KCTD8: variants seen among roughly 807,000 people sequenced by gnomAD.
KCTD8 encodes BTB/POZ domain-containing protein KCTD8.
A neutral mutation model predicts 31.5 loss-of-function variants in KCTD8; 27 were observed. That is an observed-to-expected ratio of 0.86 (90% CI 0.63 to 1.18). The LOEUF (loss-of-function observed/expected upper bound fraction) is 1.18, where lower values mean the gene tolerates loss of function less well. Ranked by LOEUF, KCTD8 falls within the 50% of genes most tolerant of loss-of-function variation. The pLI is 0.00. For synonymous variants in KCTD8, 290 were observed against 280.0 expected, an observed-to-expected ratio of 1.04 and a Z score of -0.36; for missense variants, 658 against 647.7, an observed-to-expected ratio of 1.02 and a Z score of -0.17.
At chr4:44,260,045 G>GA (rs1716114949) in intron 1 of KCTD8, among the ~76,000 whole-genome samples, 1 of 151,568 alleles carries the variant, frequency 6.6e-6, no homozygotes, top group South Asian at 2.1e-4. Flanking sequence ...GGCAGAAAAT[G>GA]AAAACAATGA....
In KCTD8 at chr4:44,230,677, C is replaced by T. The variant is rs207464597; in HGVS notation, c.962-55427G>A. On this transcript the variant is annotated intron_variant, in intron 1 of 1. Transcript: ENST00000360029. ...ACAGGCAGAAATGTACAGCAGTATA[C>T]AGGACAGCTCAGGGCCTCTCAGCTA... Among the ~76,000 whole-genome samples the T allele has an allele frequency of 4.6e-5, 7 of 152,276 alleles. No individual in the cohort carries two copies. The East Asian group carries it at 1.4e-3, about 29-fold the overall frequency.
intron 1 of KCTD8, among the ~76,000 whole-genome samples, chr4:44,421,803 A>G (rs1386718280): frequency 6.6e-6 from 1 of 152,102 alleles, no homozygotes; most frequent in African/African-American, 2.4e-5. Flanking sequence ...TGATGTTCCA[A>G]TTTTTGATGG....
intron 1 of KCTD8, among the ~76,000 whole-genome samples, chr4:44,393,077 T>A (rs1215270305): frequency 6.6e-6 from 1 of 151,896 alleles, no homozygotes; most frequent in Non-Finnish European, 1.5e-5. Flanking sequence ...ACACAAAATG[T>A]GGGAAAGTTG....
chr4:44,383,468 A>C (rs1178994655), intron 1 of KCTD8, among the ~76,000 whole-genome samples: 1 of 152,088 alleles, frequency 6.6e-6, no homozygotes, highest in Non-Finnish European at 1.5e-5. Flanking sequence ...AGAAACTGAC[A>C]CATAGACCAA....
chr4:44,431,661 C>A (rs1321458923), intron 1 of KCTD8, among the ~76,000 whole-genome samples: 1 of 151,510 alleles, frequency 6.6e-6, no homozygotes, highest in Non-Finnish European at 1.5e-5. Flanking sequence ...ATCAGGGTAT[C>A]TTTTGACAGA....
intron 1 of KCTD8, among the ~76,000 whole-genome samples, chr4:44,444,570 T>C (rs1420124714): frequency 1.3e-5 from 2 of 152,234 alleles, no homozygotes; most frequent in Non-Finnish European, 2.9e-5. Flanking sequence ...GTTAAGCTTT[T>C]ATTATGAGTC....
intron 1 of KCTD8, among the ~76,000 whole-genome samples, chr4:44,194,999 G>A (rs143893940): frequency 0.12 from 17,907 of 150,494 alleles, 1,344 homozygotes; most frequent in East Asian, 0.24. Context: ...GGGATTACAG[G>A]CATGTACCAC....
intron 1 of KCTD8, among the ~76,000 whole-genome samples, chr4:44,353,519 TTAACTAC>T (rs1560433858): frequency 2.0e-5 from 3 of 152,074 alleles, no homozygotes; most frequent in Non-Finnish European, 4.4e-5. Flanking sequence ...TAAAATATCA[TTAACTAC>T]AGTTTCCCTA....
chr4:44,429,863 C>A (rs533771077), intron 1 of KCTD8, among the ~76,000 whole-genome samples: 6 of 151,394 alleles, frequency 4.0e-5, no homozygotes, highest in Non-Finnish European at 8.9e-5. Flanking sequence ...ACAGAAGGGA[C>A]GTCAGATAAG....
At chr4:44,211,281 T>C (rs1714477938) in intron 1 of KCTD8, among the ~76,000 whole-genome samples, 1 of 152,212 alleles carries the variant, frequency 6.6e-6, no homozygotes, top group Admixed American at 6.5e-5. Flanking sequence ...CTCTCTAATG[T>C]CATACATCTA....
intron 1 of KCTD8, among the ~76,000 whole-genome samples, chr4:44,356,566 C>T (rs779000948): frequency 4.6e-5 from 7 of 152,108 alleles, no homozygotes; most frequent in Admixed American, 2.6e-4. Flanking sequence ...TTCCGCCTCC[C>T]GGGTTCAAGC....
At chr4:44,235,494 T>A (rs1715249256) in intron 1 of KCTD8, among the ~76,000 whole-genome samples, 2 of 133,462 alleles carry the variant, frequency 1.5e-5, no homozygotes, top group Non-Finnish European at 1.6e-5. Context: ...GACTGGATTT[T>A]ACCCATGTAT....
At chr4:44,304,469 C>T (rs1038215258) in intron 1 of KCTD8, among the ~76,000 whole-genome samples, 12 of 152,106 alleles carry the variant, frequency 7.9e-5, no homozygotes, top group East Asian at 1.9e-4. Flanking sequence ...ACACTTACTA[C>T]GCCCCTGAAT....
At chr4:44,396,763 G>C (rs76763768) in intron 1 of KCTD8, among the ~76,000 whole-genome samples, 1,809 of 152,210 alleles carry the variant, frequency 0.012, 27 homozygotes, top group Non-Finnish European at 0.018. Context: ...TAGTGTGCAG[G>C]AACGGCCTCA....
At chr4:44,357,794 C>T (rs547373229) in intron 1 of KCTD8, among the ~76,000 whole-genome samples, 26 of 151,774 alleles carry the variant, frequency 1.7e-4, no homozygotes, top group African/African-American at 6.3e-4. Context: ...TGAATAAATG[C>T]TCTCCTCTGG....
chr4:44,228,642 ACCT>A (rs1161690920), intron 1 of KCTD8, among the ~76,000 whole-genome samples: 1 of 151,926 alleles, frequency 6.6e-6, no homozygotes, highest in East Asian at 1.9e-4. Context: ...TTTCACTGCC[ACCT>A]CCTCAAGGGG....
At chr4:44,255,224 A>C (rs1158576467) in intron 1 of KCTD8, among the ~76,000 whole-genome samples, 2 of 151,872 alleles carry the variant, frequency 1.3e-5, no homozygotes, top group African/African-American at 4.8e-5. Flanking sequence ...CAACTTAAGC[A>C]GAATCTATGC....
chr4:44,200,275 C>A (rs958233776), intron 1 of KCTD8, among the ~76,000 whole-genome samples: 1 of 151,496 alleles, frequency 6.6e-6, no homozygotes, highest in Non-Finnish European at 1.5e-5. Flanking sequence ...TTCCAAAATA[C>A]CAAGAAGGAG....
chr4:44,369,226 A>G (rs552152456), intron 1 of KCTD8, among the ~76,000 whole-genome samples: 2 of 152,312 alleles, frequency 1.3e-5, no homozygotes, highest in South Asian at 4.1e-4. Context: ...GATTATTTAA[A>G]TTCCTTTAAG....
Sources: allele counts gnomAD v4.1 joint callset (sites outside exome capture counted in the v4.1 genomes callset), GRCh38; gene constraint gnomAD v4.1.1; transcripts MANE v1.5; gene names NCBI Gene and HGNC (gene_info 2026-07-23, HGNC 2026-07-21).